AGAP1: variants seen among roughly 807,000 people sequenced by gnomAD.
The protein encoded by AGAP1 is ArfGAP with GTPase domain, ankyrin repeat and PH domain 1.
In AGAP1, 29 loss-of-function variants were observed where a neutral mutation model predicts 105.3. That is an observed-to-expected ratio of 0.28 (90% CI 0.21 to 0.38). The LOEUF is 0.38. Ranked by LOEUF, AGAP1 falls within the 10% of genes least tolerant of loss-of-function variation. The pLI is 1.00. For synonymous variants in AGAP1, 509 were observed against 485.9 expected, an observed-to-expected ratio of 1.05 and a Z score of -0.63; for missense variants, 998 against 1,165.1, an observed-to-expected ratio of 0.86 and a Z score of 2.09.
rs771684089 is a variant in AGAP1, at chr2:235,785,091, C to A, written c.674-12668C>A. Among the ~76,000 whole-genome samples, 106 of 152,340 alleles carry A rather than the reference C, an allele frequency of 7.0e-4. No homozygotes were observed. In the Middle Eastern group the frequency reaches 0.01, roughly 15 times the overall value. ...CAGAGCAGGGAGGAGACGAATAATT[C>A]TCTCAGGTTCCAACCAAGACATCTT... On this transcript the variant is annotated intron_variant, in intron 6 of 17. Coordinates refer to ENST00000304032, the MANE Select transcript of AGAP1 (RefSeq NM_001037131.3).
chr2:235,738,185 A>C (rs1198077173), intron 3 of AGAP1, among the ~76,000 whole-genome samples: 1 of 152,118 alleles, frequency 6.6e-6, no homozygotes, highest in Non-Finnish European at 1.5e-5. Context: ...GGGTGATTTC[A>C]ATGAATGTGA....
At chr2:235,643,457 A>AAAAAAAAAAAAAGAAAG (rs1553595203) in intron 1 of AGAP1, among the ~76,000 whole-genome samples, 1 of 140,402 alleles carries the variant, frequency 7.1e-6, no homozygotes, top group African/African-American at 2.7e-5. Context: ...AAAAAAAAAA[A>AAAAAAAAAAAAAGAAAG]AAAGAAAGAA....
At position 235,660,743 on chromosome 2, in the gene AGAP1, A is replaced by G. The variant is rs2149338585; in HGVS notation, c.164-48436A>G. On this transcript the variant is annotated intron_variant, in intron 1 of 17. Coordinates refer to ENST00000304032, the MANE Select transcript of AGAP1 (RefSeq NM_001037131.3). This position sits in a 1 kb window ranked among gnomAD's most constrained non-coding sequence, Gnocchi z 5.3. ...ATGGGGAATCTTGGGATGCAATAGA[A>G]ACAACCTCTGTTGGTTTTCAGCATT... is the stretch of plus-strand genomic sequence containing the variant. Among the ~76,000 whole-genome samples the G allele has an allele frequency of 6.6e-6, 1 of 152,262 alleles. No homozygotes were observed. The highest frequency in any genetic ancestry group is 2.1e-4 in the South Asian group (1 of 4,814).
rs1238379576 is a variant in AGAP1 at position 235,551,115 on chromosome 2, A to C, written c.163+56266A>C. Reference sequence around the variant, plus strand: ...AAGAGTGAGTTTGCTTCTGAGGAAGAGAAGTGGGGGGTCGGGGGCATCCCA... The same window carrying C: ...AAGAGTGAGTTTGCTTCTGAGGAAGCGAAGTGGGGGGTCGGGGGCATCCCA... On this transcript the variant is annotated intron_variant, in intron 1 of 17. Coordinates refer to ENST00000304032, the MANE Select transcript of AGAP1 (RefSeq NM_001037131.3). The surrounding 1 kb of genome is among the most constrained non-coding windows in gnomAD (Gnocchi z 4.8). Among the ~76,000 whole-genome samples, 2 of 152,082 alleles carry C rather than the reference A, an allele frequency of 1.3e-5. No homozygotes were observed. The highest frequency in any genetic ancestry group is 2.9e-5 in the Non-Finnish European group (2 of 68,022).
chr2:236,052,208 A>G (rs1253116474), intron 16 of AGAP1, among the ~76,000 whole-genome samples: 1 of 152,178 alleles, frequency 6.6e-6, no homozygotes, highest in Non-Finnish European at 1.5e-5. Context: ...TAATTCTTTG[A>G]AAAAGGGCCC....
At chr2:236,030,282 T>C (rs2057185863) in intron 13 of AGAP1, among the ~76,000 whole-genome samples, 1 of 152,240 alleles carries the variant, frequency 6.6e-6, no homozygotes, top group Admixed American at 6.5e-5. Context: ...CCCAAAGTGC[T>C]GGGATTACAG....
In AGAP1 at chr2:235,964,898, C is replaced by T. The variant is rs971406779; in HGVS notation, c.1484-3564C>T. On this transcript the variant is annotated intron_variant, in intron 12 of 17. Transcript: ENST00000304032. The surrounding 1 kb of genome is among the most constrained non-coding windows in gnomAD (Gnocchi z 4.6). The stretch of plus-strand genomic sequence containing the variant: ...GGGTACGTGGTGCTTAAATGGAGAG[C>T]AGGCAGTCATGGAGCGGCTTTGTGA... Among the ~76,000 whole-genome samples the T allele has an allele frequency of 2.6e-5, 4 of 152,138 alleles. No individual in the cohort carries two copies. The highest frequency in any genetic ancestry group is 9.7e-5 in the African/African-American group (4 of 41,424).
Position 235,701,590 on chromosome 2 carries a change from C to T in AGAP1, c.164-7589C>T, listed in dbSNP as rs1950263772. Among the ~76,000 whole-genome samples, 1 of 152,136 alleles carries T rather than the reference C, an allele frequency of 6.6e-6. No homozygotes were observed. The highest frequency in any genetic ancestry group is 2.1e-4 in the South Asian group (1 of 4,818). On this transcript the variant is annotated intron_variant, in intron 1 of 17. Transcript: ENST00000304032. The surrounding 1 kb of genome is among the most constrained non-coding windows in gnomAD (Gnocchi z 4.1). Reference sequence around the variant, plus strand: ...AAGCCTGAAACCAATCTGGTATCCCCAGGGTTTATGTTTTATTTCATTTAT... The same window carrying T: ...AAGCCTGAAACCAATCTGGTATCCCTAGGGTTTATGTTTTATTTCATTTAT...
chr2:235,856,191 C>T (rs1376500016), intron 9 of AGAP1, among the ~76,000 whole-genome samples: 2 of 152,146 alleles, frequency 1.3e-5, no homozygotes, highest in African/African-American at 2.4e-5. Context: ...GGATTACAGG[C>T]GTGAGCCACC....
rs372128828 is a variant in AGAP1 at position 235,670,648 on chromosome 2, G to C, written c.164-38531G>C. On this transcript the variant is annotated intron_variant, in intron 1 of 17. Coordinates refer to ENST00000304032, the MANE Select transcript of AGAP1 (RefSeq NM_001037131.3). ...ACAGCAGCTCCGGGAGCCTGGCCTG[G>C]GCGCCGTGCGACGAGGCCGCGGCCG... is the stretch of plus-strand genomic sequence containing the variant. The C allele has an allele frequency of 7.7e-5, 49 of 637,728 alleles. No homozygotes were observed. In the East Asian group the frequency reaches 1.4e-3, roughly 18 times the overall value. 39.5% of individuals were successfully genotyped at this position (637,728 alleles called of 1,614,324 possible).
At chr2:235,760,429 G>A (rs554309988) in intron 6 of AGAP1, among the ~76,000 whole-genome samples, 19 of 152,302 alleles carry the variant, frequency 1.2e-4, no homozygotes, top group East Asian at 9.6e-4. Flanking sequence ...GATAGAATTC[G>A]TTATGAAGCT....
At chr2:235,679,371 A>C (rs1387108198) in intron 1 of AGAP1, among the ~76,000 whole-genome samples, 2 of 152,212 alleles carry the variant, frequency 1.3e-5, no homozygotes, top group African/African-American at 4.8e-5. Flanking sequence ...TGAGATATAC[A>C]TTTGCCCAGG....
intron 8 of AGAP1, among the ~76,000 whole-genome samples, chr2:235,802,727 A>G (rs989702923): frequency 8.7e-6 from 1 of 114,400 alleles, no homozygotes; most frequent in Non-Finnish European, 1.9e-5. Flanking sequence ...TGTGGTTGTG[A>G]TGGTGATGGT....
In AGAP1 at chr2:235,875,636, C is replaced by G. The variant is rs1406639949; in HGVS notation, c.1051-7709C>G. Among the ~76,000 whole-genome samples, 3 of 152,272 alleles carry G rather than the reference C, an allele frequency of 2.0e-5. No homozygotes were observed. The East Asian group carries it at 5.8e-4, about 30-fold the overall frequency. On this transcript the variant is annotated intron_variant, in intron 9 of 17. Transcript: ENST00000304032. The surrounding 1 kb of genome is among the most constrained non-coding windows in gnomAD (Gnocchi z 4.0). Reference sequence around the variant, plus strand: ...GGTGGAGTAGAGCTTCTCTCCCCAGCTTTCCCGGGAGTGTGTGGTCTCCTG... The same window carrying G: ...GGTGGAGTAGAGCTTCTCTCCCCAGGTTTCCCGGGAGTGTGTGGTCTCCTG...
rs1488082819 is a variant in AGAP1, at chr2:235,664,551, CTT to C, written c.164-44627_164-44626del. Among the ~76,000 whole-genome samples the C allele has an allele frequency of 1.3e-5, 2 of 152,146 alleles. No homozygotes were observed. On this transcript the variant is annotated intron_variant, in intron 1 of 17. Transcript: ENST00000304032. This position sits in a 1 kb window ranked among gnomAD's most constrained non-coding sequence, Gnocchi z 5.7. ...TATCTTAAGTCACCTTTGCCTGACA[CTT>C]AGCAAGAAAAACTACCAAGAAATAT...
Position 235,989,948 on chromosome 2 carries a change from C to T in AGAP1, c.1645+21325C>T, listed in dbSNP as rs2055490845. Among the ~76,000 whole-genome samples the T allele has an allele frequency of 1.3e-5, 2 of 152,010 alleles. No individual in the cohort carries two copies. Among genetic ancestry groups the T allele is most frequent in the Non-Finnish European group, 2.9e-5 (2 of 68,018 alleles). The stretch of plus-strand genomic sequence containing the variant: ...AGTTTAGATCATTCAAATGCGTAGC[C>T]GGGGTTGGGAACCAGTGGTTTAGGT... On this transcript the variant is annotated intron_variant, in intron 13 of 17. Transcript: ENST00000304032. This position sits in a 1 kb window ranked among gnomAD's most constrained non-coding sequence, Gnocchi z 4.4.
At chr2:235,677,347 G>GGGTGTAC in intron 1 of AGAP1, among the ~76,000 whole-genome samples, 1 of 152,188 alleles carries the variant, frequency 6.6e-6, no homozygotes. Flanking sequence ...TTCAGTACCA[G>GGGTGTAC]GGTGTACCAG....
chr2:235,708,407 A>C (rs966891235), intron 1 of AGAP1, among the ~76,000 whole-genome samples: 8 of 152,106 alleles, frequency 5.3e-5, no homozygotes, highest in Non-Finnish European at 7.3e-5. Flanking sequence ...TTGCAGGTAA[A>C]GCCATGGTCG....
chr2:235,802,949 G>GGTT (rs1957599484), intron 8 of AGAP1, among the ~76,000 whole-genome samples: 1 of 150,304 alleles, frequency 6.7e-6, no homozygotes, highest in Non-Finnish European at 1.5e-5. Flanking sequence ...TTGTAATGGT[G>GGTT]GTGATGATGG....
Sources: allele counts gnomAD v4.1 joint callset (sites outside exome capture counted in the v4.1 genomes callset), GRCh38; gene constraint gnomAD v4.1.1; non-coding constraint Gnocchi (gnomAD v3.1); transcripts MANE v1.5; gene names NCBI Gene and HGNC (gene_info 2026-07-23, HGNC 2026-07-21).